PHLDB2: variants seen among roughly 807,000 people sequenced by gnomAD.
PHLDB2 encodes the protein pleckstrin homology like domain family B member 2.
Under a neutral mutation model 123.6 loss-of-function variants are expected in PHLDB2, and 71 were observed. The observed-to-expected ratio is 0.57, with a 90% CI of 0.47 to 0.70. The LOEUF (loss-of-function observed/expected upper bound fraction) is 0.70. Ranked by LOEUF, PHLDB2 falls within the 30% of genes least tolerant of loss-of-function variation. The pLI is 0.00. For missense variants in PHLDB2, 1,446 were observed against 1,519.5 expected, an observed-to-expected ratio of 0.95 and a Z score of 0.80; for synonymous variants, 547 against 541.6, an observed-to-expected ratio of 1.01 and a Z score of -0.14.
chr3:111,738,533 A>T (rs1427229458), intron 1 of PHLDB2, among the ~76,000 whole-genome samples: 1 of 152,204 alleles, frequency 6.6e-6, no homozygotes, highest in Non-Finnish European at 1.5e-5. Flanking sequence ...AGGATTAAAT[A>T]ATCTTGCCAC....
intron 1 of PHLDB2, among the ~76,000 whole-genome samples, chr3:111,755,052 C>A (rs1298043304): frequency 6.6e-6 from 1 of 151,882 alleles, no homozygotes; most frequent in Non-Finnish European, 1.5e-5. Flanking sequence ...ATTCGGTTTG[C>A]CAGTATTTTA....
chr3:111,804,563 T>C (rs4472023), intron 1 of PHLDB2, among the ~76,000 whole-genome samples: 53,460 of 152,096 alleles, frequency 0.35, 9,708 homozygotes, highest in East Asian at 0.48. Context: ...ATCTGCAGCA[T>C]AAGTACAGTA....
At chr3:111,937,259 T>A (rs697175) in intron 6 of PHLDB2, among the ~76,000 whole-genome samples, 151,061 of 152,336 alleles carry the variant, frequency 0.99, 74,912 homozygotes, top group Middle Eastern at 1. Flanking sequence ...CATTTTATCA[T>A]AAAGCTTGCT....
chr3:111,826,880 A>G (rs2062678125), intron 1 of PHLDB2, among the ~76,000 whole-genome samples: 1 of 152,170 alleles, frequency 6.6e-6, no homozygotes, highest in South Asian at 2.1e-4. Context: ...TAGGATGAGT[A>G]GTAAGGGAGA....
intron 1 of PHLDB2, among the ~76,000 whole-genome samples, chr3:111,861,960 G>C (rs1218630295): frequency 2.6e-5 from 4 of 152,132 alleles, no homozygotes; most frequent in Admixed American, 6.5e-5. Flanking sequence ...TCCTGCCTCA[G>C]CCTCCCGAGT....
intron 6 of PHLDB2, among the ~76,000 whole-genome samples, chr3:111,936,396 C>A (rs1191125228): frequency 6.6e-6 from 1 of 152,150 alleles, no homozygotes; most frequent in Admixed American, 6.5e-5. Flanking sequence ...TTAAACTATT[C>A]CTTCCCCCAA....
At chr3:111,775,239 C>T (rs539119713) in intron 1 of PHLDB2, among the ~76,000 whole-genome samples, 14 of 152,180 alleles carry the variant, frequency 9.2e-5, no homozygotes, top group South Asian at 6.2e-4. Context: ...AGAGATGACT[C>T]GGACTATCAT....
chr3:111,903,778 C>T (rs113050540), intron 2 of PHLDB2, among the ~76,000 whole-genome samples: 3,248 of 152,198 alleles, frequency 0.021, 82 homozygotes, highest in African/African-American at 0.054. Context: ...ATCACATGTT[C>T]GCACACACAT....
rs569610906 is a variant in PHLDB2, at chr3:111,975,338, A to T, written c.*775A>T. 1 of 152,298 alleles carries T rather than the reference A, an allele frequency of 6.6e-6. No homozygotes were observed. The highest frequency in any genetic ancestry group is 1.9e-4 in the East Asian group (1 of 5,190). 9.4% of individuals were successfully genotyped at this position (152,298 alleles called of 1,614,324 possible). A position where few individuals can be genotyped will look rare whatever the true frequency, so the allele number is the denominator to read the frequency against. On this transcript the variant is annotated 3_prime_UTR_variant, in exon 18 of 18. Coordinates refer to ENST00000431670, the MANE Select transcript of PHLDB2 (RefSeq NM_001134438.2). ...AAAAAAGCCAGGTTACGCAACAGGCATTCTGTCATGTTGAACAATTTTAAA... is the reference window on the plus strand; with the variant it reads ...AAAAAAGCCAGGTTACGCAACAGGCTTTCTGTCATGTTGAACAATTTTAAA...
At chr3:111,781,670 T>C (rs996610745) in intron 1 of PHLDB2, among the ~76,000 whole-genome samples, 38 of 152,156 alleles carry the variant, frequency 2.5e-4, no homozygotes, top group Non-Finnish European at 2.9e-5. Context: ...TGATCATTAG[T>C]TTTTCAAATA....
intron 1 of PHLDB2, among the ~76,000 whole-genome samples, chr3:111,787,631 C>T (rs993521050): frequency 1.3e-5 from 2 of 152,154 alleles, no homozygotes; most frequent in Non-Finnish European, 2.9e-5. Flanking sequence ...TAGGCTTTCT[C>T]TTCTGTGTTC....
rs1438954469 is a variant in PHLDB2, at chr3:111,885,421, C to A, written c.1335+9C>A. The A allele has an allele frequency of 1.2e-6, 2 of 1,613,986 alleles. No homozygotes were observed. Among genetic ancestry groups the A allele is most frequent in the African/African-American group, 2.7e-5 (2 of 75,036 alleles). ...AGGAAATGGAGCGATTGGTAATCTT[C>A]ATCTCAACAGTGATTGACCTCACTG... On this transcript the variant is annotated intron_variant, in intron 2 of 17. Transcript: ENST00000431670.
At chr3:111,777,576 A>G (rs963086491) in intron 1 of PHLDB2, among the ~76,000 whole-genome samples, 18 of 152,272 alleles carry the variant, frequency 1.2e-4, no homozygotes, top group African/African-American at 4.3e-4. Context: ...TTGGTTCCAC[A>G]TAACAAAACA....
intron 1 of PHLDB2, among the ~76,000 whole-genome samples, chr3:111,744,566 T>G (rs946990817): frequency 2.3e-4 from 35 of 152,322 alleles, no homozygotes; most frequent in African/African-American, 7.9e-4. Context: ...AGAGAGGACT[T>G]AGATATAAAC....
At chr3:111,814,991 T>C (rs2062010010) in intron 1 of PHLDB2, among the ~76,000 whole-genome samples, 1 of 152,202 alleles carries the variant, frequency 6.6e-6, no homozygotes, top group Admixed American at 6.5e-5. Context: ...TTTCCTGCGC[T>C]GTTCTTGTGA....
intron 2 of PHLDB2, among the ~76,000 whole-genome samples, chr3:111,887,426 G>T (rs978155694): frequency 6.6e-6 from 1 of 152,202 alleles, no homozygotes; most frequent in East Asian, 1.9e-4. Context: ...AAGGGATGAC[G>T]GATTCTTATC....
At chr3:111,795,520 A>T (rs1210602941) in intron 1 of PHLDB2, among the ~76,000 whole-genome samples, 3 of 152,204 alleles carry the variant, frequency 2.0e-5, no homozygotes, top group Admixed American at 2.0e-4. Flanking sequence ...TGGGAGCAGA[A>T]CTAGGTCCCT....
At chr3:111,882,019 C>G (rs2065954394) in intron 1 of PHLDB2, among the ~76,000 whole-genome samples, 1 of 151,574 alleles carries the variant, frequency 6.6e-6, no homozygotes, top group African/African-American at 2.4e-5. Context: ...AAAAAGCTGC[C>G]CTGATTATAT....
chr3:111,946,830 AAG>A (rs1221440446), intron 9 of PHLDB2, among the ~76,000 whole-genome samples: 7 of 152,230 alleles, frequency 4.6e-5, no homozygotes, highest in Non-Finnish European at 1.0e-4. Flanking sequence ...CATAAAAAGT[AAG>A]AGAGGGAGAT....
Sources: allele counts gnomAD v4.1 joint callset (sites outside exome capture counted in the v4.1 genomes callset), GRCh38; gene constraint gnomAD v4.1.1; transcripts MANE v1.5; gene names NCBI Gene and HGNC (gene_info 2026-07-23, HGNC 2026-07-21).